TRIM36: variants seen among roughly 807,000 people sequenced by gnomAD.
The protein encoded by TRIM36 is E3 ubiquitin-protein ligase TRIM36.
Under a neutral mutation model 72.4 loss-of-function variants are expected in TRIM36, and 42 were observed. That is an observed-to-expected ratio of 0.58 (90% CI 0.45 to 0.75). The LOEUF (loss-of-function observed/expected upper bound fraction) is 0.75, where lower values mean the gene tolerates loss of function less well. Among genes scored for constraint, TRIM36 ranks in the 30% least tolerant of loss-of-function variants. TRIM36 has a pLI of 0.00. For synonymous variants in TRIM36, 315 were observed against 282.8 expected, an observed-to-expected ratio of 1.11 and a Z score of -1.14; for missense variants, 913 against 857.1, an observed-to-expected ratio of 1.07 and a Z score of -0.81.
chr5:115,150,543 AACTAGAGGAAGG>A (rs1306926552), intron 2 of TRIM36, among the ~76,000 whole-genome samples: 1 of 152,218 alleles, frequency 6.6e-6, no homozygotes, highest in Non-Finnish European at 1.5e-5. Flanking sequence ...GAAGGACTAT[AACTAGAGGAAGG>A]ACTAGATTGC....
intron 1 of TRIM36, among the ~76,000 whole-genome samples, chr5:115,178,506 C>G (rs768748801): frequency 2.0e-5 from 3 of 152,162 alleles, no homozygotes; most frequent in Non-Finnish European, 4.4e-5. Flanking sequence ...CAGGACTTCT[C>G]TTCCCAGGGT....
In TRIM36 at chr5:115,126,529, A is replaced by G; in HGVS notation, c.2125T>C (p.Tyr709His). 5.0e-6 allele frequency: 8 copies of G among 1,609,290 alleles called. No individual in the cohort carries two copies. Among genetic ancestry groups the G allele is most frequent in the Non-Finnish European group, 6.8e-6 (8 of 1,176,018 alleles). The change falls in exon 10 of 10, where the codon TAT (tyrosine) becomes CAT (histidine). Residue 709 changes from tyrosine (Y) to histidine (H), a missense_variant. Transcript: ENST00000513154. Reference protein sequence around the residue: ...IQLEEPITAKYLEYQEDM With the variant: ...IQLEEPITAKHLEYQEDM ...TACATGTCCTCTTGGTATTCCAGAT[A>G]TTTTGCTGTGATGGGTTCTTCAAGC...
rs149559756 is a variant in TRIM36 at position 115,134,165 on chromosome 5, T to G, written c.1211-18A>C. On this transcript the variant is annotated intron_variant, in intron 7 of 9. Transcript: ENST00000513154. ...GTCTATGCCTGAAAGAATTATGAAA[T>G]AGAAAACAACATTAAAATATTGACA... 336 of 1,528,550 alleles carry G rather than the reference T, an allele frequency of 2.2e-4. No homozygotes were observed. Among genetic ancestry groups the G allele is most frequent in the Non-Finnish European group, 2.7e-4 (309 of 1,142,200 alleles). The allele number at this position is 1,528,550 out of a possible 1,614,324, so 94.7% of individuals were successfully genotyped here. A position where few individuals can be genotyped will look rare whatever the true frequency, so the allele number is the denominator to read the frequency against.
intron 8 of TRIM36, among the ~76,000 whole-genome samples, chr5:115,132,131 GTT>G (rs1752716424): frequency 6.6e-6 from 1 of 151,768 alleles, no homozygotes; most frequent in African/African-American, 2.4e-5. Context: ...GAGTTCAGGA[GTT>G]TGAGGCCAGC....
chr5:115,156,295 C>T (rs1325391315), intron 2 of TRIM36, among the ~76,000 whole-genome samples: 2 of 150,120 alleles, frequency 1.3e-5, no homozygotes, highest in Non-Finnish European at 3.0e-5. Context: ...TCATTCATCA[C>T]AAATTAAAAA....
intron 1 of TRIM36, 91 bp downstream of exon 1, chr5:115,169,517 G>T (rs1037145422): frequency 7.3e-7 from 1 of 1,368,532 alleles, no homozygotes; most frequent in Admixed American, 2.2e-5. Flanking sequence ...CCGGGAGGAG[G>T]CTCCCTCCGG....
chr5:115,149,544 C>T (rs894142691), intron 2 of TRIM36: 1 of 127,928 alleles, frequency 7.8e-6, no homozygotes, highest in Non-Finnish European at 1.5e-5. Context: ...GCTGGTGACA[C>T]CCAGAATTGG....
At chr5:115,139,172 G>A (rs1159814717) in intron 5 of TRIM36, among the ~76,000 whole-genome samples, 5 of 148,330 alleles carry the variant, frequency 3.4e-5, no homozygotes. Context: ...CTAGGCTAGA[G>A]TGCAATGGAG....
upstream of TRIM36, among the ~76,000 whole-genome samples, chr5:115,174,892 C>T (rs781029526): frequency 2.9e-4 from 44 of 152,132 alleles, no homozygotes; most frequent in Admixed American, 5.2e-4. Context: ...GCTGCTCTCA[C>T]GGACATTTTT....
upstream of TRIM36, chr5:115,169,950 C>CG: frequency 8.2e-7 from 1 of 1,222,120 alleles, no homozygotes; most frequent in Non-Finnish European, 1.0e-6. Flanking sequence ...CGGGGCACCG[C>CG]GGGGCGTGGA....
Position 115,133,846 on chromosome 5 carries a change from G to T in TRIM36, c.1498+14C>A, listed in dbSNP as rs1489983768. ...CTAACTCTATGCTTTTTTTATTCCT[G>T]ATATTCACCATACCTGGAGCTGGAG... On this transcript the variant is annotated intron_variant, in intron 8 of 9. Transcript: ENST00000513154. 3.9e-6 allele frequency: 6 copies of T among 1,553,374 alleles called. No individual in the cohort carries two copies. The Admixed American group carries it at 6.1e-5, about 16-fold the overall frequency.
chr5:115,163,026 C>T (rs1053930371), intron 2 of TRIM36, among the ~76,000 whole-genome samples: 4 of 150,908 alleles, frequency 2.7e-5, no homozygotes, highest in South Asian at 4.2e-4. Flanking sequence ...GGCGCGATCT[C>T]GGCTCACTGC....
rs1027952607 is a variant in TRIM36, at chr5:115,139,245, C to G, written c.832-1629G>C. 2.0e-5 allele frequency among the ~76,000 whole-genome samples: 3 copies of G among 151,918 alleles called. No individual in the cohort carries two copies. In the South Asian group the frequency reaches 6.2e-4, roughly 32 times the overall value. ...AAGCAATTCTCCTGCCTCAGCCTCC[C>G]GAGTAGCTGGGATTACAGGTGTGCA... On this transcript the variant is annotated intron_variant, in intron 5 of 9. Coordinates refer to ENST00000513154, the MANE Select transcript of TRIM36 (RefSeq NM_001300759.2).
At chr5:115,151,545 A>AAG (rs1327909804) in intron 2 of TRIM36, among the ~76,000 whole-genome samples, 1 of 152,208 alleles carries the variant, frequency 6.6e-6, no homozygotes, top group East Asian at 1.9e-4. Context: ...GCTCTTTGGA[A>AAG]AGTGCCACCT....
chr5:115,129,187 A>G (rs1752519692), intron 9 of TRIM36, among the ~76,000 whole-genome samples: 1 of 152,238 alleles, frequency 6.6e-6, no homozygotes, highest in African/African-American at 2.4e-5. Context: ...AGAACACTCT[A>G]TGATGTTCTC....
chr5:115,158,212 CTG>C (rs137970640), intron 2 of TRIM36, among the ~76,000 whole-genome samples: 5,241 of 152,270 alleles, frequency 0.034, 140 homozygotes, highest in East Asian at 0.076. Context: ...ATACATCAAA[CTG>C]AATCTGTGGG....
intron 1 of TRIM36, among the ~76,000 whole-genome samples, chr5:115,178,548 A>G (rs1342905953): frequency 6.6e-6 from 1 of 152,028 alleles, no homozygotes; most frequent in African/African-American, 2.4e-5. Flanking sequence ...GGGCCGCAAT[A>G]TGCACCCTAG....
intron 9 of TRIM36, among the ~76,000 whole-genome samples, chr5:115,127,559 T>TTAAA (rs1241885490): frequency 1.3e-5 from 2 of 152,342 alleles, no homozygotes; most frequent in South Asian, 2.1e-4. Flanking sequence ...AGACCCTGTC[T>TTAAA]TAAATAAATA....
In TRIM36 at chr5:115,163,515, T is replaced by C. The variant is rs1277131083; in HGVS notation, c.262+3A>G. 9.9e-6 allele frequency: 16 copies of C among 1,613,094 alleles called. No homozygotes were observed. ...CATCCCAGCCCACAGTTCTAACACA[T>C]ACCTGGTCTGTTAATTCGGTCAATT... On this transcript the variant is annotated splice_donor_region_variant and intron_variant, in intron 2 of 9. Coordinates refer to ENST00000513154, the MANE Select transcript of TRIM36 (RefSeq NM_001300759.2).
Sources: gnomAD v4.1 joint callset for allele counts (sites outside exome capture counted in the v4.1 genomes callset) on GRCh38, gnomAD v4.1.1 for gene constraint, MANE v1.5 for transcripts, NCBI Gene and HGNC (gene_info 2026-07-23, HGNC 2026-07-21) for gene names.